Variants in PLEKHA3 observed in about 807,000 individuals in gnomAD.
PLEKHA3 encodes the protein pleckstrin homology domain-containing family A member 3.
In PLEKHA3, 19 loss-of-function variants were observed where a neutral mutation model predicts 39.2. That is an observed-to-expected ratio of 0.48 (90% CI 0.34 to 0.71). The LOEUF is 0.71. PLEKHA3 is among the 30% of genes least tolerant of loss of function. PLEKHA3 has a pLI of 0.01. For synonymous variants in PLEKHA3, 97 were observed against 118.6 expected (o/e 0.82, Z 1.18); for missense variants, 253 against 359.5 (o/e 0.70, Z 2.40).
intron 7 of PLEKHA3, among the ~76,000 whole-genome samples, 153 bp downstream of exon 7, chr2:178,501,329 T>G (rs1685527304): frequency 6.6e-6 from 1 of 152,008 alleles, no homozygotes; most frequent in African/African-American, 2.4e-5. Context: ...GCTCAATCAA[T>G]GAAAGCTCAT....
In PLEKHA3 at chr2:178,503,757, T is replaced by G. The variant is rs1280266371; in HGVS notation, c.776-3T>G. On this transcript the variant is annotated splice_polypyrimidine_tract_variant and splice_region_variant and intron_variant, in intron 7 of 7. Coordinates refer to ENST00000234453, the MANE Select transcript of PLEKHA3 (RefSeq NM_019091.4). ...TTTAACGTTTTTATCAATGTCTTCATAGGACCTGTTCACTGTTCAAAAAAT... is the reference window on the plus strand; with the variant it reads ...TTTAACGTTTTTATCAATGTCTTCAGAGGACCTGTTCACTGTTCAAAAAAT... 2 of 1,590,348 alleles carry G rather than the reference T, an allele frequency of 1.3e-6. No individual in the cohort carries two copies. Among genetic ancestry groups the G allele is most frequent in the Non-Finnish European group, 1.7e-6 (2 of 1,164,486 alleles).
chr2:178,507,577 A>G lies in PLEKHA3; in HGVS notation c.*3690A>G, dbSNP rs1202685125. ...CTTCCACAGTCCTTCATCTTCTGCC[A>G]TTTGTACTGTTGCCCTCCAGGCCTG... On this transcript the variant is annotated 3_prime_UTR_variant, in exon 8 of 8. Coordinates refer to ENST00000234453, the MANE Select transcript of PLEKHA3 (RefSeq NM_019091.4). 7.1e-6 allele frequency: 1 copy of G among 140,158 alleles called. No individual in the cohort carries two copies. The highest frequency in any genetic ancestry group is 1.5e-5 in the Non-Finnish European group (1 of 65,976). 8.7% of individuals were successfully genotyped at this position (140,158 alleles called of 1,614,324 possible). A position where few individuals can be genotyped will look rare whatever the true frequency, so the allele number is the denominator to read the frequency against.
At position 178,511,610 on chromosome 2, in the gene PLEKHA3, A is replaced by G. The variant is rs1465718740; in HGVS notation, c.*7723A>G. On this transcript the variant is annotated 3_prime_UTR_variant, in exon 8 of 8. Coordinates refer to ENST00000234453, the MANE Select transcript of PLEKHA3 (RefSeq NM_019091.4). ...GGTCTCAAACTCCTAAGCTCAGGAG[A>G]TCCGCCTGCCTCAGCCTTTGAAAGT... is the stretch of plus-strand genomic sequence containing the variant. 2.6e-5 allele frequency: 4 copies of G among 152,222 alleles called. No homozygotes were observed. The highest frequency in any genetic ancestry group is 4.4e-5 in the Non-Finnish European group (3 of 68,062). The allele number at this position is 152,222 out of a possible 1,614,324, so 9.4% of individuals were successfully genotyped here. A position where few individuals can be genotyped will look rare whatever the true frequency, so the allele number is the denominator to read the frequency against.
intron 3 of PLEKHA3, 68 bp from the exon 4 acceptor site, chr2:178,493,785 A>C: frequency 1.5e-6 from 2 of 1,378,238 alleles, no homozygotes; most frequent in South Asian, 2.8e-5. Context: ...TTAAATGATT[A>C]CATTTTGTTA....
At position 178,506,091 on chromosome 2, in the gene PLEKHA3, G is replaced by C. The variant is rs1034682470; in HGVS notation, c.*2204G>C. 1.3e-5 allele frequency: 2 copies of C among 152,010 alleles called. No individual in the cohort carries two copies. The highest frequency in any genetic ancestry group is 1.3e-4 in the Admixed American group (2 of 15,246). 9.4% of individuals were successfully genotyped at this position (152,010 alleles called of 1,614,324 possible). On this transcript the variant is annotated 3_prime_UTR_variant, in exon 8 of 8. Transcript: ENST00000234453. ...TGTGCCTGACTTTTTTGAATTTTAA[G>C]AAAAAGATGAACCATATAACAATTC...
intron 1 of PLEKHA3, 44 bp downstream of exon 1, chr2:178,480,953 G>T: frequency 7.7e-7 from 1 of 1,297,388 alleles, no homozygotes; most frequent in Non-Finnish European, 9.9e-7. Context: ...GAGGCGGGGG[G>T]CTGCTGAGAA....
Position 178,480,606 on chromosome 2 carries a change from T to G in PLEKHA3, c.-264T>G. On this transcript the variant is annotated 5_prime_UTR_variant, in exon 1 of 8. In the 5' UTR this introduces an upstream ATG that the reference lacks. Coordinates refer to ENST00000234453, the MANE Select transcript of PLEKHA3 (RefSeq NM_019091.4). ...AGCAGGAGGCCGGTCGCGGGCGCAT[T>G]TTTGCCGTTGTCGCGGCCGCCGCCG... is the stretch of plus-strand genomic sequence containing the variant. 3.5e-6 allele frequency: 1 copy of G among 287,222 alleles called. No homozygotes were observed. Among genetic ancestry groups the G allele is most frequent in the East Asian group, 5.8e-5 (1 of 17,156 alleles). 17.8% of individuals were successfully genotyped at this position (287,222 alleles called of 1,614,324 possible).
rs972665121 is a variant in PLEKHA3 at position 178,480,679 on chromosome 2, G to A, written c.-191G>A. The A allele has an allele frequency of 5.3e-6, 2 of 377,762 alleles. No homozygotes were observed. Among genetic ancestry groups the A allele is most frequent in the African/African-American group, 4.3e-5 (2 of 47,026 alleles). 23.4% of individuals were successfully genotyped at this position (377,762 alleles called of 1,614,324 possible). On this transcript the variant is annotated 5_prime_UTR_variant, in exon 1 of 8. Coordinates refer to ENST00000234453, the MANE Select transcript of PLEKHA3 (RefSeq NM_019091.4). The stretch of plus-strand genomic sequence containing the variant: ...TGGGCCCGCGCCTCGCGGCCCCCAA[G>A]CTCCACGCTGCGCCCGCTGTCCCGG...
chr2:178,500,389 A>G (rs1361367316), intron 6 of PLEKHA3, among the ~76,000 whole-genome samples: 1 of 152,074 alleles, frequency 6.6e-6, no homozygotes, highest in East Asian at 1.9e-4. Flanking sequence ...TCAATTTTTG[A>G]CCAACTTTTA....
rs995548707 is a variant in PLEKHA3 at position 178,512,988 on chromosome 2, G to GT, written c.*9104dup. 6.5e-6 allele frequency: 1 copy of GT among 152,728 alleles called. No homozygotes were observed. The highest frequency in any genetic ancestry group is 6.6e-5 in the Admixed American group (1 of 15,196). The allele number at this position is 152,728 out of a possible 1,614,324, so 9.5% of individuals were successfully genotyped here. ...TTTTAAATAGATGTACATTGCAATA[G>GT]TTTGGATTAGCTCATCCATAGCAGG... is the stretch of plus-strand genomic sequence containing the variant. On this transcript the variant is annotated 3_prime_UTR_variant, in exon 8 of 8. Coordinates refer to ENST00000234453, the MANE Select transcript of PLEKHA3 (RefSeq NM_019091.4).
intron 4 of PLEKHA3, 24 bp downstream of exon 4, chr2:178,494,013 C>G: frequency 6.2e-7 from 1 of 1,609,454 alleles, no homozygotes; most frequent in Non-Finnish European, 8.5e-7. Context: ...GATCTCTTCA[C>G]GTGTGGTTAT....
chr2:178,486,561 T>G (rs1189901661), intron 2 of PLEKHA3, among the ~76,000 whole-genome samples: 1 of 151,978 alleles, frequency 6.6e-6, no homozygotes, highest in African/African-American at 2.4e-5. Context: ...AGGTAGCGAT[T>G]AATCTGACTT....
In PLEKHA3 at chr2:178,505,153, T is replaced by C. The variant is rs1220778866; in HGVS notation, c.*1266T>C. ...ATTCTAATGGATTTGAGTTTGTTTGTATATTTAGGCCTGCTGGTGAAGACA... is the reference window on the plus strand; with the variant it reads ...ATTCTAATGGATTTGAGTTTGTTTGCATATTTAGGCCTGCTGGTGAAGACA... On this transcript the variant is annotated 3_prime_UTR_variant, in exon 8 of 8. Coordinates refer to ENST00000234453, the MANE Select transcript of PLEKHA3 (RefSeq NM_019091.4). 2.6e-5 allele frequency: 4 copies of C among 152,448 alleles called. No homozygotes were observed. The highest frequency in any genetic ancestry group is 1.5e-5 in the Non-Finnish European group (1 of 67,884). 9.4% of individuals were successfully genotyped at this position (152,448 alleles called of 1,614,324 possible).
rs2154128149 is a variant in PLEKHA3 at position 178,507,312 on chromosome 2, A to G, written c.*3425A>G. On this transcript the variant is annotated 3_prime_UTR_variant, in exon 8 of 8. Transcript: ENST00000234453. ...TTTTAGTTAGAACAAACTTTTTGTG[A>G]AATAGATAGACATAAATGTAGTTCA... 6.6e-6 allele frequency: 1 copy of G among 152,314 alleles called. No homozygotes were observed. Among genetic ancestry groups the G allele is most frequent in the East Asian group, 1.9e-4 (1 of 5,186 alleles). The allele number at this position is 152,314 out of a possible 1,614,324, so 9.4% of individuals were successfully genotyped here. A position where few individuals can be genotyped will look rare whatever the true frequency, so the allele number is the denominator to read the frequency against.
rs1000334816 is a variant in PLEKHA3 at position 178,511,926 on chromosome 2, C to T, written c.*8039C>T. On this transcript the variant is annotated 3_prime_UTR_variant, in exon 8 of 8. Transcript: ENST00000234453. ...TGCCCTTTCTGTCCCATAATATGTTCCTCTTCCCCAAAAAGTTTTTTGTTG... is the reference window on the plus strand; with the variant it reads ...TGCCCTTTCTGTCCCATAATATGTTTCTCTTCCCCAAAAAGTTTTTTGTTG... 6.6e-6 allele frequency: 1 copy of T among 152,180 alleles called. No homozygotes were observed. Among genetic ancestry groups the T allele is most frequent in the Non-Finnish European group, 1.5e-5 (1 of 68,040 alleles). 9.4% of individuals were successfully genotyped at this position (152,180 alleles called of 1,614,324 possible).
chr2:178,515,040 C>T lies in PLEKHA3; in HGVS notation c.*11153C>T, dbSNP rs868653904. The T allele has an allele frequency of 7.2e-6, 1 of 138,726 alleles. No homozygotes were observed. Among genetic ancestry groups the T allele is most frequent in the African/African-American group, 2.9e-5 (1 of 34,928 alleles). 8.6% of individuals were successfully genotyped at this position (138,726 alleles called of 1,614,324 possible). A position where few individuals can be genotyped will look rare whatever the true frequency, so the allele number is the denominator to read the frequency against. Reference sequence around the variant, plus strand: ...AATTTTTGGTCTTATAACATTCTCTCTCTTTTTTTTTTTTTTTTTTTGTAG... The same window carrying T: ...AATTTTTGGTCTTATAACATTCTCTTTCTTTTTTTTTTTTTTTTTTTGTAG... On this transcript the variant is annotated 3_prime_UTR_variant, in exon 8 of 8. Coordinates refer to ENST00000234453, the MANE Select transcript of PLEKHA3 (RefSeq NM_019091.4).
In PLEKHA3 at chr2:178,504,755, C is replaced by A. The variant is rs1020359578; in HGVS notation, c.*868C>A. Reference sequence around the variant, plus strand: ...AGCTGCTGTTGTAAAGTATTGTTTGCAGCTCTTTCCAATATCTAGAGACAT... The same window carrying A: ...AGCTGCTGTTGTAAAGTATTGTTTGAAGCTCTTTCCAATATCTAGAGACAT... On this transcript the variant is annotated 3_prime_UTR_variant, in exon 8 of 8. Coordinates refer to ENST00000234453, the MANE Select transcript of PLEKHA3 (RefSeq NM_019091.4). 6.6e-6 allele frequency: 1 copy of A among 152,276 alleles called. No individual in the cohort carries two copies. The highest frequency in any genetic ancestry group is 1.5e-5 in the Non-Finnish European group (1 of 67,852). The allele number at this position is 152,276 out of a possible 1,614,324, so 9.4% of individuals were successfully genotyped here.
intron 1 of PLEKHA3, among the ~76,000 whole-genome samples, chr2:178,484,363 T>C (rs1016623707): frequency 6.6e-6 from 1 of 152,236 alleles, no homozygotes; most frequent in Admixed American, 6.5e-5. Context: ...TTGCTTTAGA[T>C]ATCTCTCTTT....
At chr2:178,482,502 A>G (rs887092766) in intron 1 of PLEKHA3, among the ~76,000 whole-genome samples, 1 of 149,478 alleles carries the variant, frequency 6.7e-6, no homozygotes, top group African/African-American at 2.5e-5. Flanking sequence ...TCAGTGAGCT[A>G]TGATTGTACC....
Sources: gnomAD v4.1 joint callset for allele counts (sites outside exome capture counted in the v4.1 genomes callset) on GRCh38, gnomAD v4.1.1 for gene constraint, MANE v1.5 for transcripts, NCBI Gene and HGNC (gene_info 2026-07-23, HGNC 2026-07-21) for gene names.